HIRA: variants seen among roughly 807,000 people sequenced by gnomAD.
HIRA encodes histone cell cycle regulator, also known as protein HIRA.
In HIRA, 13 loss-of-function variants were observed where a neutral mutation model predicts 126.6. The ratio of observed to expected loss-of-function variants is 0.10; its 90% CI spans 0.07 to 0.16. The LOEUF (loss-of-function observed/expected upper bound fraction) is 0.16, where lower values mean the gene tolerates loss of function less well. HIRA is among the 10% of genes least tolerant of loss of function. The pLI is 1.00. For synonymous variants in HIRA, 511 were observed against 520.0 expected (o/e 0.98, Z 0.24); for missense variants, 834 against 1,314.4 (o/e 0.63, Z 5.65).
chr22:19,364,948 CAT>C (rs752557228), intron 15 of HIRA, among the ~76,000 whole-genome samples: 8 of 152,156 alleles, frequency 5.3e-5, no homozygotes, highest in African/African-American at 1.2e-4. Context: ...CCAGTGAACA[CAT>C]GTTTGAAAAG....
At chr22:19,356,369 G>A in intron 19 of HIRA, 81 bp from the exon 20 acceptor site, 4 of 1,245,024 alleles carry the variant, frequency 3.2e-6, no homozygotes, top group Non-Finnish European at 4.7e-6. Flanking sequence ...AGACACCCTG[G>A]CCCTACTGCA....
Position 19,354,269 on chromosome 22 carries a change from G to C in HIRA, c.2562-151C>G. 4 of 692,882 alleles carry C rather than the reference G, an allele frequency of 5.8e-6. No individual in the cohort carries two copies. In the South Asian group the frequency reaches 7.9e-5, roughly 14 times the overall value. 42.9% of individuals were successfully genotyped at this position (692,882 alleles called of 1,614,324 possible). On this transcript the variant is annotated intron_variant, in intron 21 of 24. Coordinates refer to ENST00000263208, the MANE Select transcript of HIRA (RefSeq NM_003325.4). Reference sequence around the variant, plus strand: ...AGAGGCTGAGCGCCCCTGCACTTCCGCACAGGCGCCTATCACTGACAGGTT... The same window carrying C: ...AGAGGCTGAGCGCCCCTGCACTTCCCCACAGGCGCCTATCACTGACAGGTT...
At chr22:19,386,521 CAA>C (rs2146219353) in intron 11 of HIRA, among the ~76,000 whole-genome samples, 1 of 152,360 alleles carries the variant, frequency 6.6e-6, no homozygotes, top group Non-Finnish European at 1.5e-5. Flanking sequence ...GGCAGCGTTC[CAA>C]GAGAGGTGCC....
In HIRA at chr22:19,429,513, AACTGAGTATC is replaced by A. The variant is rs1349167485; in HGVS notation, c.37+1917_37+1926del. On this transcript the variant is annotated intron_variant, in intron 1 of 24. Transcript: ENST00000263208. ...GGAGCATTTTTATATCTACGCTCCC[AACTGAGTATC>A]ACAAGCATACTATGAAGTGGTTAGA... is the stretch of plus-strand genomic sequence containing the variant. Among the ~76,000 whole-genome samples the A allele has an allele frequency of 3.3e-5, 5 of 152,210 alleles. No homozygotes were observed. The East Asian group carries it at 5.8e-4, about 18-fold the overall frequency.
intron 24 of HIRA, among the ~76,000 whole-genome samples, chr22:19,341,373 T>G (rs1490983695): frequency 6.6e-6 from 1 of 150,622 alleles, no homozygotes; most frequent in Non-Finnish European, 1.5e-5. Flanking sequence ...CACTTGAGCC[T>G]TGGAGGCAGA....
At chr22:19,362,164 T>G (rs924808777) in intron 15 of HIRA, among the ~76,000 whole-genome samples, 2 of 152,210 alleles carry the variant, frequency 1.3e-5, no homozygotes, top group African/African-American at 4.8e-5. Flanking sequence ...TTAAAAGTCT[T>G]TCAGAGAGAA....
At chr22:19,356,112 C>T in intron 20 of HIRA, 118 bp downstream of exon 20, 1 of 954,044 alleles carries the variant, frequency 1.0e-6, no homozygotes, top group Admixed American at 1.9e-5. Context: ...ACACCTCCTG[C>T]CTCACTGAGA....
chr22:19,344,184 G>A (rs568219249), intron 24 of HIRA, among the ~76,000 whole-genome samples: 1 of 151,572 alleles, frequency 6.6e-6, no homozygotes, highest in African/African-American at 2.4e-5. Context: ...AAAGATAATG[G>A]GACAAGATAA....
At chr22:19,377,095 G>C (rs962215450) in intron 14 of HIRA, among the ~76,000 whole-genome samples, 1 of 152,190 alleles carries the variant, frequency 6.6e-6, no homozygotes, top group Non-Finnish European at 1.5e-5. Context: ...TCCCCTGGTA[G>C]GCCTGTATGA....
At chr22:19,388,745 T>A (rs775236282) in intron 9 of HIRA, among the ~76,000 whole-genome samples, 191 bp from the exon 10 acceptor site, 3 of 152,204 alleles carry the variant, frequency 2.0e-5, no homozygotes, top group Non-Finnish European at 4.4e-5. Flanking sequence ...AAAATGTGCA[T>A]GCTACCTAGA....
chr22:19,338,059 T>C (rs1326745644), intron 24 of HIRA, among the ~76,000 whole-genome samples: 3 of 152,140 alleles, frequency 2.0e-5, no homozygotes, highest in Non-Finnish European at 2.9e-5. Flanking sequence ...CCCTAAGTGT[T>C]GGGATTACAC....
At position 19,356,008 on chromosome 22, in the gene HIRA, A is replaced by C. The variant is rs564327678; in HGVS notation, c.2456-143T>G. The C allele has an allele frequency of 1.5e-5, 11 of 721,380 alleles. No homozygotes were observed. In the South Asian group the frequency reaches 1.7e-4, roughly 11 times the overall value. The allele number at this position is 721,380 out of a possible 1,614,324, so 44.7% of individuals were successfully genotyped here. On this transcript the variant is annotated intron_variant, in intron 20 of 24. Transcript: ENST00000263208. ...ACTGCCTTGGCAAATAGGGAGGGCA[A>C]GCCATTCTCCTTGCCACACACCAGG...
chr22:19,366,518 G>T (rs1181987745), intron 15 of HIRA, among the ~76,000 whole-genome samples: 3 of 152,124 alleles, frequency 2.0e-5, no homozygotes, highest in Non-Finnish European at 2.9e-5. Context: ...TGGAAGAAGC[G>T]GATTCCAACC....
chr22:19,354,927 T>C (rs1482433624), intron 21 of HIRA, among the ~76,000 whole-genome samples: 5 of 152,056 alleles, frequency 3.3e-5, no homozygotes, highest in African/African-American at 1.2e-4. Context: ...CCACTGCACC[T>C]GGCTTATTTA....
chr22:19,375,123 C>G (rs949003758), intron 15 of HIRA, among the ~76,000 whole-genome samples: 1 of 151,958 alleles, frequency 6.6e-6, no homozygotes, highest in African/African-American at 2.4e-5. Flanking sequence ...GAGGGGAGAC[C>G]CAGAGAATGG....
At chr22:19,431,379 T>TCGACTCCAGACCCCGACC in intron 1 of HIRA, 61 bp downstream of exon 1, 1 of 1,574,436 alleles carries the variant, frequency 6.4e-7, no homozygotes, top group Admixed American at 1.7e-5. Flanking sequence ...GCGCCCCGAC[T>TCGACTCCAGACCCCGACC]CGACTCCAGA....
intron 1 of HIRA, among the ~76,000 whole-genome samples, chr22:19,426,129 T>C (rs574713736): frequency 1.8e-4 from 28 of 152,334 alleles, no homozygotes; most frequent in Admixed American, 1.7e-3. Flanking sequence ...CTGTCTTTAG[T>C]GCCTCTCTAT....
At position 19,361,883 on chromosome 22, in the gene HIRA, CAGG is replaced by C; in HGVS notation, c.1821_1823del (p.Leu608del). ...TCTCATCGCTGTCACTGCTGCTCTC[CAGG>C]AGGTCTCGGGGCCTCAGCTCTTTCA... is the stretch of plus-strand genomic sequence containing the variant. On this transcript the variant is annotated inframe_deletion, in exon 16 of 25. Coordinates refer to ENST00000263208, the MANE Select transcript of HIRA (RefSeq NM_003325.4). The C allele has an allele frequency of 1.2e-6, 2 of 1,614,236 alleles. No individual in the cohort carries two copies. Among genetic ancestry groups the C allele is most frequent in the South Asian group, 1.1e-5 (1 of 91,084 alleles).
At position 19,431,641 on chromosome 22, in the gene HIRA, C is replaced by CGCCGCCACA. The variant is rs1001933722; in HGVS notation, c.-174_-166dup. 1.5e-5 allele frequency: 10 copies of CGCCGCCACA among 665,180 alleles called. No individual in the cohort carries two copies. Among genetic ancestry groups the CGCCGCCACA allele is most frequent in the Admixed American group, 5.6e-5 (1 of 17,852 alleles). The allele number at this position is 665,180 out of a possible 1,614,324, so 41.2% of individuals were successfully genotyped here. On this transcript the variant is annotated 5_prime_UTR_variant, in exon 1 of 25. Coordinates refer to ENST00000263208, the MANE Select transcript of HIRA (RefSeq NM_003325.4). ...GCCATCGCCGGCCCGCGCCCCCCTC[C>CGCCGCCACA]GCCGCCACAGCCGCCACCCGCGCTC...
Sources: gnomAD v4.1 joint callset for allele counts (sites outside exome capture counted in the v4.1 genomes callset) on GRCh38, gnomAD v4.1.1 for gene constraint, MANE v1.5 for transcripts, NCBI Gene and HGNC (gene_info 2026-07-23, HGNC 2026-07-21) for gene names.